Variants in XPO7 observed in about 807,000 individuals in gnomAD.
XPO7 encodes exportin 7.
Under a neutral mutation model 144.3 loss-of-function variants are expected in XPO7, and 21 were observed. The ratio of observed to expected loss-of-function variants is 0.15; its 90% CI spans 0.10 to 0.21. The LOEUF is 0.21. Ranked by LOEUF, XPO7 falls within the 10% of genes least tolerant of loss-of-function variation. The pLI, the probability that XPO7 is intolerant of heterozygous loss-of-function variation, is 1.00. For synonymous variants in XPO7, 580 were observed against 499.6 expected (o/e 1.16, Z -2.15); for missense variants, 808 against 1,325.8 (o/e 0.61, Z 6.06).
chr8:21,921,813 CG>C (rs757297209), intron 1 of XPO7, among the ~76,000 whole-genome samples: 31 of 152,232 alleles, frequency 2.0e-4, no homozygotes, highest in Non-Finnish European at 4.3e-4. Flanking sequence ...TTCATATCAA[CG>C]GGGTAAGTTT....
At chr8:21,974,639 C>A (rs751949180) in intron 5 of XPO7, 31 bp from the exon 6 acceptor site, 6 of 1,482,462 alleles carry the variant, frequency 4.0e-6, no homozygotes, top group African/African-American at 1.4e-5. Flanking sequence ...GCAATTAATT[C>A]TTTGCATTGG....
chr8:21,984,316 A>G (rs1812505489), intron 11 of XPO7, among the ~76,000 whole-genome samples: 1 of 152,204 alleles, frequency 6.6e-6, no homozygotes, highest in African/African-American at 2.4e-5. Context: ...TACTATAGTC[A>G]AGAACAAGCG....
At chr8:21,978,684 G>C (rs1229330239) in intron 8 of XPO7, among the ~76,000 whole-genome samples, 2 of 152,210 alleles carry the variant, frequency 1.3e-5, no homozygotes, top group Non-Finnish European at 2.9e-5. Context: ...CCCTGGGGCT[G>C]GCAGTAGTGG....
intron 9 of XPO7, among the ~76,000 whole-genome samples, chr8:21,980,770 G>T (rs541000128): frequency 6.9e-6 from 1 of 144,878 alleles, no homozygotes; most frequent in Non-Finnish European, 1.5e-5. Flanking sequence ...GTAAGACTCC[G>T]TCTCAAAAAA....
At position 21,954,491 on chromosome 8, in the gene XPO7, A is replaced by G. The variant is rs183690488; in HGVS notation, c.19-12366A>G. Among the ~76,000 whole-genome samples the G allele has an allele frequency of 2.2e-3, 334 of 152,144 alleles. 1 individual carries two copies. Among genetic ancestry groups the G allele is most frequent in the African/African-American group, 7.4e-3 (308 of 41,508 alleles). On this transcript the variant is annotated intron_variant, in intron 1 of 27. Coordinates refer to ENST00000252512, the MANE Select transcript of XPO7 (RefSeq NM_015024.5). ...TCTACTAAAAATTCAAAAATTAGCCAGGTGTGGTGGCACAGACCTGTAATC... is the reference window on the plus strand; with the variant it reads ...TCTACTAAAAATTCAAAAATTAGCCGGGTGTGGTGGCACAGACCTGTAATC...
chr8:21,965,436 T>A (rs943066015), intron 1 of XPO7, among the ~76,000 whole-genome samples: 15 of 152,204 alleles, frequency 9.9e-5, no homozygotes, highest in Non-Finnish European at 2.1e-4. Context: ...GACTTTGCAA[T>A]TGCGATTTTC....
At chr8:21,926,780 A>C (rs555682105) in intron 1 of XPO7, among the ~76,000 whole-genome samples, 61 of 152,292 alleles carry the variant, frequency 4.0e-4, no homozygotes, top group African/African-American at 1.4e-3. Context: ...AGTTGAAAAA[A>C]AATCTAAATT....
chr8:21,938,188 T>C (rs942667167), intron 1 of XPO7, among the ~76,000 whole-genome samples: 2 of 152,334 alleles, frequency 1.3e-5, no homozygotes, highest in South Asian at 4.1e-4. Context: ...CAGAACCAGT[T>C]ACATTCAAAT....
chr8:21,933,524 C>G (rs1388396541), intron 1 of XPO7, among the ~76,000 whole-genome samples: 2 of 152,102 alleles, frequency 1.3e-5, no homozygotes, highest in African/African-American at 4.8e-5. Flanking sequence ...TTCCTGAGTA[C>G]ATGTACAAGT....
At chr8:21,990,668 CA>C (rs371339696) in intron 17 of XPO7, 142 bp from the exon 18 acceptor site, 54,688 of 648,490 alleles carry the variant, frequency 0.084, no homozygotes, top group South Asian at 0.12. Flanking sequence ...AGCCTGCCTT[CA>C]AAAAAAAAAA....
intron 1 of XPO7, among the ~76,000 whole-genome samples, chr8:21,938,733 C>T (rs1044100592): frequency 2.0e-5 from 3 of 151,158 alleles, no homozygotes; most frequent in African/African-American, 7.3e-5. Flanking sequence ...TTCCGAATAC[C>T]CTTATATTAA....
At chr8:21,994,115 C>G (rs1812861599) in intron 19 of XPO7, among the ~76,000 whole-genome samples, 1 of 152,126 alleles carries the variant, frequency 6.6e-6, no homozygotes, top group African/African-American at 2.4e-5. Flanking sequence ...AAACAAACTT[C>G]CAAAGCTAAT....
chr8:21,998,597 TAAA>T (rs1278664840), intron 21 of XPO7, among the ~76,000 whole-genome samples, 155 bp from the exon 22 acceptor site: 1 of 152,170 alleles, frequency 6.6e-6, no homozygotes, highest in Non-Finnish European at 1.5e-5. Flanking sequence ...ACTTCATGGT[TAAA>T]TATCTATAAC....
intron 1 of XPO7, among the ~76,000 whole-genome samples, chr8:21,933,352 G>C (rs898039649): frequency 1.2e-4 from 18 of 151,716 alleles, no homozygotes; most frequent in Non-Finnish European, 2.4e-4. Flanking sequence ...TGCCTGCCTC[G>C]GCCTCCCAAA....
intron 9 of XPO7, among the ~76,000 whole-genome samples, chr8:21,980,446 A>C (rs1812366607): frequency 6.6e-6 from 1 of 152,186 alleles, no homozygotes; most frequent in Admixed American, 6.5e-5. Flanking sequence ...GAAATAAGGA[A>C]GAAGCTAGTC....
intron 9 of XPO7, among the ~76,000 whole-genome samples, chr8:21,981,390 C>T (rs756313269): frequency 6.6e-5 from 10 of 152,148 alleles, no homozygotes; most frequent in Non-Finnish European, 1.0e-4. Context: ...AAGTCAGTCA[C>T]GTCTTAGGTC....
chr8:21,999,889 T>A (rs1347762480), intron 24 of XPO7, among the ~76,000 whole-genome samples: 2 of 152,194 alleles, frequency 1.3e-5, no homozygotes, highest in Non-Finnish European at 2.9e-5. Context: ...GCACTGAGGA[T>A]ACGGTAATTA....
chr8:21,998,420 G>A (rs568414610), intron 21 of XPO7, among the ~76,000 whole-genome samples: 131 of 152,212 alleles, frequency 8.6e-4, no homozygotes, highest in African/African-American at 3.0e-3. Flanking sequence ...TAGCCTGGGC[G>A]ACAGAGTAAG....
chr8:21,933,809 AT>A (rs1308086655), intron 1 of XPO7, among the ~76,000 whole-genome samples: 1 of 152,226 alleles, frequency 6.6e-6, no homozygotes, highest in Non-Finnish European at 1.5e-5. Flanking sequence ...TGATACTAGA[AT>A]CACATCGTTT....
Sources: allele counts gnomAD v4.1 joint callset (sites outside exome capture counted in the v4.1 genomes callset), GRCh38; gene constraint gnomAD v4.1.1; transcripts MANE v1.5; gene names NCBI Gene and HGNC (gene_info 2026-07-23, HGNC 2026-07-21).